The following NRF1 variants were observed in gnomAD, a reference collection of about 807,000 sequenced individuals.
NRF1 encodes the protein alpha palindromic-binding protein.
NRF1 carries 5 observed loss-of-function variants against 58.5 expected under a neutral mutation model. The observed-to-expected ratio is 0.09, with a 90% CI of 0.04 to 0.18. The LOEUF (loss-of-function observed/expected upper bound fraction) is 0.18. Ranked by LOEUF, NRF1 falls within the 10% of genes least tolerant of loss-of-function variation. The pLI, the probability that NRF1 is intolerant of heterozygous loss-of-function variation, is 1.00. For missense variants in NRF1, 288 were observed against 657.7 expected (o/e 0.44, Z 6.15); for synonymous variants, 224 against 246.7 (o/e 0.91, Z 0.86).
chr7:129,724,138 A>C (rs1007579828), intron 9 of NRF1, among the ~76,000 whole-genome samples: 3 of 152,218 alleles, frequency 2.0e-5, no homozygotes, highest in African/African-American at 7.2e-5. Context: ...ATATTTGCAA[A>C]TTGTATCTGA....
At chr7:129,745,111 T>G (rs116828442) in intron 10 of NRF1, among the ~76,000 whole-genome samples, 18 of 152,210 alleles carry the variant, frequency 1.2e-4, no homozygotes, top group Non-Finnish European at 2.4e-4. Context: ...ACCTGACTGT[T>G]GCAGGCTCCT....
intron 1 of NRF1, among the ~76,000 whole-genome samples, chr7:129,649,409 T>G (rs1487655239): frequency 1.3e-5 from 2 of 152,200 alleles, no homozygotes; most frequent in East Asian, 3.8e-4. Context: ...ATGCTATTGA[T>G]TAGACTAATG....
At chr7:129,732,045 C>G (rs371966084) in intron 10 of NRF1, among the ~76,000 whole-genome samples, 1 of 152,176 alleles carries the variant, frequency 6.6e-6, no homozygotes. Flanking sequence ...CCCAGAACCC[C>G]CTGTGTTCCA....
Position 129,623,000 on chromosome 7 carries a change from T to C in NRF1, c.-7+11176T>C, listed in dbSNP as rs368842457. On this transcript the variant is annotated intron_variant, in intron 1 of 10. Coordinates refer to ENST00000393232, the MANE Select transcript of NRF1 (RefSeq NM_005011.5). ...TTGTTTTAATGAAATGTAAAAGATA[T>C]TTTTAAATTTTCTCTCCTAATACAT... Among the ~76,000 whole-genome samples the C allele has an allele frequency of 2.6e-5, 4 of 152,240 alleles. No individual in the cohort carries two copies. The East Asian group carries it at 7.7e-4, about 29-fold the overall frequency.
At chr7:129,631,224 G>A (rs1204165742) in intron 1 of NRF1, among the ~76,000 whole-genome samples, 1 of 119,438 alleles carries the variant, frequency 8.4e-6, no homozygotes, top group East Asian at 2.5e-4. Context: ...TCTTTCTAAG[G>A]AATTTGATTT....
chr7:129,734,196 T>G (rs975165374), intron 10 of NRF1, among the ~76,000 whole-genome samples: 3 of 152,320 alleles, frequency 2.0e-5, no homozygotes, highest in African/African-American at 7.2e-5. Context: ...ATAAGCATTC[T>G]AAGTGTTTTA....
chr7:129,745,710 A>G (rs1449607290), intron 10 of NRF1, among the ~76,000 whole-genome samples: 3 of 152,264 alleles, frequency 2.0e-5, no homozygotes, highest in South Asian at 4.2e-4. Context: ...TGGGAGCTCA[A>G]TTTTCAGGAT....
chr7:129,686,627 T>G (rs1802449017), intron 4 of NRF1, among the ~76,000 whole-genome samples: 1 of 152,248 alleles, frequency 6.6e-6, no homozygotes, highest in South Asian at 2.1e-4. Context: ...AGACAACACA[T>G]GTAGTGCTTG....
chr7:129,643,050 C>T (rs760587964), intron 1 of NRF1, among the ~76,000 whole-genome samples: 2 of 152,038 alleles, frequency 1.3e-5, no homozygotes, highest in Non-Finnish European at 2.9e-5. Context: ...ACACATGCTA[C>T]AATAATGTAG....
chr7:129,737,245 C>G (rs1389743611), intron 10 of NRF1, among the ~76,000 whole-genome samples: 1 of 152,212 alleles, frequency 6.6e-6, no homozygotes, highest in Non-Finnish European at 1.5e-5. Context: ...GAAGCCCTTT[C>G]TGTAACCTTG....
intron 1 of NRF1, among the ~76,000 whole-genome samples, chr7:129,646,124 G>A (rs1024866945): frequency 2.0e-5 from 3 of 152,186 alleles, no homozygotes; most frequent in Non-Finnish European, 4.4e-5. Context: ...GATTACAGGC[G>A]TGAGCCACCG....
chr7:129,722,242 G>A (rs1378284183), intron 9 of NRF1, among the ~76,000 whole-genome samples: 2 of 151,706 alleles, frequency 1.3e-5, no homozygotes, highest in African/African-American at 4.8e-5. Flanking sequence ...AAATACAAAA[G>A]TAGCCGGGCG....
At chr7:129,659,940 T>C (rs1284910049) in intron 2 of NRF1, among the ~76,000 whole-genome samples, 1 of 152,192 alleles carries the variant, frequency 6.6e-6, no homozygotes, top group Non-Finnish European at 1.5e-5. Flanking sequence ...ATTTTCATGC[T>C]GCTGATAAGA....
intron 5 of NRF1, among the ~76,000 whole-genome samples, chr7:129,693,106 T>C (rs1984823): frequency 0.39 from 59,286 of 152,040 alleles, 12,206 homozygotes; most frequent in Non-Finnish European, 0.48. Flanking sequence ...GCTGCTCAGC[T>C]TCTGAAATAA....
At chr7:129,657,676 C>T in intron 2 of NRF1, 102 bp downstream of exon 2, 2 of 711,330 alleles carry the variant, frequency 2.8e-6, no homozygotes, top group Non-Finnish European at 2.3e-6. Flanking sequence ...GCAGCACAAT[C>T]ATGATTCACT....
intron 9 of NRF1, among the ~76,000 whole-genome samples, chr7:129,723,204 G>A (rs1305055139): frequency 6.6e-6 from 1 of 152,104 alleles, no homozygotes; most frequent in Non-Finnish European, 1.5e-5. Flanking sequence ...AGCACTTTGG[G>A]AGGCCGAGGC....
intron 10 of NRF1, among the ~76,000 whole-genome samples, chr7:129,728,362 G>A (rs972878927): frequency 2.0e-5 from 3 of 151,584 alleles, no homozygotes; most frequent in Non-Finnish European, 4.4e-5. Context: ...ATGGTGGTGT[G>A]CGAGGCTGAG....
At chr7:129,616,826 AAGG>A (rs758381122) in intron 1 of NRF1, among the ~76,000 whole-genome samples, 1 of 152,288 alleles carries the variant, frequency 6.6e-6, no homozygotes, top group East Asian at 1.9e-4. Flanking sequence ...CGTTTCTCTT[AAGG>A]AGAAGTGTGT....
Position 129,710,584 on chromosome 7 carries a change from G to A in NRF1, c.963+13G>A, listed in dbSNP as rs758365129. The A allele has an allele frequency of 7.4e-7, 1 of 1,350,578 alleles. No individual in the cohort carries two copies. Among genetic ancestry groups the A allele is most frequent in the Non-Finnish European group, 1.1e-6 (1 of 939,706 alleles). The allele number at this position is 1,350,578 out of a possible 1,614,324, so 83.7% of individuals were successfully genotyped here. On this transcript the variant is annotated intron_variant, in intron 7 of 10. Transcript: ENST00000393232. ...CTCACTTATCCAGGTGAGTAAACCT[G>A]AGGGCTACCAGACTGTGGCTTCTGA...
Sources: allele counts gnomAD v4.1 joint callset (sites outside exome capture counted in the v4.1 genomes callset), GRCh38; gene constraint gnomAD v4.1.1; transcripts MANE v1.5; gene names NCBI Gene and HGNC (gene_info 2026-07-23, HGNC 2026-07-21).